Variants in RHOU observed in about 807,000 individuals in gnomAD.
RHOU encodes the protein ras homolog family member U.
A neutral mutation model predicts 12.6 loss-of-function variants in RHOU; 8 were observed. That is an observed-to-expected ratio of 0.64 (90% confidence interval 0.37 to 1.15). RHOU has a LOEUF of 1.15. Among genes scored for constraint, RHOU ranks in the 50% most tolerant of loss-of-function variants. The probability of loss-of-function intolerance (pLI) is 0.01; values close to 1 mark genes in which losing one functional copy is unlikely to be tolerated. For synonymous variants in RHOU, 161 were observed against 147.4 expected, an observed-to-expected ratio of 1.09 and a Z score of -0.67; for missense variants, 258 against 347.0, an observed-to-expected ratio of 0.74 and a Z score of 2.04.
chr1:228,650,509 G>C, the RHOU span: 1 of 456,708 alleles, frequency 2.2e-6, no homozygotes, highest in South Asian at 1.5e-5. Flanking sequence ...GCTGAACTAG[G>C]GGAGCTGCCA....
At chr1:228,682,894 G>C in the RHOU span, among the ~76,000 whole-genome samples, 1 of 152,282 alleles carries the variant, frequency 6.6e-6, no homozygotes, top group Admixed American at 6.5e-5. Flanking sequence ...ACACAGAGAG[G>C]TTGAGTCAGA....
rs1299052403 is a variant in RHOU at position 228,735,805 on chromosome 1, G to A, written c.63G>A (p.Pro21=). 4.1e-6 allele frequency: 5 copies of A among 1,219,306 alleles called. No individual in the cohort carries two copies. The highest frequency in any genetic ancestry group is 5.1e-6 in the Non-Finnish European group (5 of 981,088). The allele number at this position is 1,219,306 out of a possible 1,614,324, so 75.5% of individuals were successfully genotyped here. A position where few individuals can be genotyped will look rare whatever the true frequency, so the allele number is the denominator to read the frequency against. ...GCTGCGAGGCGCCTCCGGTGCCGCC[G>A]CGTCGGGAGCGCGGTGGACGCGGGG... ...PDRCEAPPVP[P]RRERGGRGGR... Residue 21 remains proline, a synonymous_variant, in exon 1 of 3, where the codon CCG becomes CCA. Transcript: ENST00000366691. This position sits in a 1 kb window ranked among gnomAD's most constrained non-coding sequence, Gnocchi z 8.1.
At chr1:228,741,623 A>G (rs537226474) in intron 2 of RHOU, among the ~76,000 whole-genome samples, 2 of 152,188 alleles carry the variant, frequency 1.3e-5, no homozygotes, top group South Asian at 4.1e-4. Context: ...TTCTGTGTTT[A>G]TTTATTCATC....
the RHOU span, among the ~76,000 whole-genome samples, chr1:228,711,418 G>T: frequency 6.6e-6 from 1 of 152,068 alleles, no homozygotes; most frequent in African/African-American, 2.4e-5. Flanking sequence ...ATACTACAAG[G>T]CTACAATAAC....
chr1:228,653,391 C>G, the RHOU span, among the ~76,000 whole-genome samples: 5 of 152,248 alleles, frequency 3.3e-5, no homozygotes, highest in South Asian at 1.0e-3. Context: ...GCCATCTCGG[C>G]TCACTGCAAC....
At chr1:228,652,436 G>A in the RHOU span, 1 of 152,360 alleles carries the variant, frequency 6.6e-6, no homozygotes, top group Non-Finnish European at 1.5e-5. Flanking sequence ...GATCAATGGA[G>A]GCCTTTTGGT....
At chr1:228,675,227 T>G in the RHOU span, among the ~76,000 whole-genome samples, 6 of 152,288 alleles carry the variant, frequency 3.9e-5, no homozygotes, top group African/African-American at 1.2e-4. Context: ...CTATCACAGA[T>G]CAAGTGTGCA....
At chr1:228,703,236 G>C in the RHOU span, among the ~76,000 whole-genome samples, 56 of 152,136 alleles carry the variant, frequency 3.7e-4, no homozygotes, top group Admixed American at 1.4e-3. Flanking sequence ...TCCTATAAAA[G>C]TGTTTTGGGG....
chr1:228,693,766 C>A, the RHOU span, among the ~76,000 whole-genome samples: 1 of 152,042 alleles, frequency 6.6e-6, no homozygotes, highest in African/African-American at 2.4e-5. Flanking sequence ...GCTCCCGGCA[C>A]CTCATGTTAA....
the RHOU span, among the ~76,000 whole-genome samples, chr1:228,681,416 T>C: frequency 6.6e-6 from 1 of 151,696 alleles, no homozygotes; most frequent in Non-Finnish European, 1.5e-5. Context: ...AGGGGTCAGA[T>C]GGGTCAGCAG....
the RHOU span, among the ~76,000 whole-genome samples, chr1:228,716,645 T>A: frequency 1.3e-5 from 2 of 152,170 alleles, no homozygotes; most frequent in African/African-American, 4.8e-5. Context: ...CACAACATAG[T>A]TGACATTCAG....
At chr1:228,647,090 A>T in the RHOU span, among the ~76,000 whole-genome samples, 3 of 152,190 alleles carry the variant, frequency 2.0e-5, no homozygotes, top group African/African-American at 7.2e-5. Flanking sequence ...GAAGCACCCT[A>T]CTTCGGTAGG....
chr1:228,711,627 TC>T, the RHOU span, among the ~76,000 whole-genome samples: 1 of 152,232 alleles, frequency 6.6e-6, no homozygotes, highest in East Asian at 1.9e-4. Context: ...TGAAACTGGA[TC>T]CTTTCCTTAC....
At chr1:228,648,361 G>A in the RHOU span, among the ~76,000 whole-genome samples, 1 of 152,142 alleles carries the variant, frequency 6.6e-6, no homozygotes, top group Non-Finnish European at 1.5e-5. Context: ...CCATTCCGCC[G>A]ACTCTCCAGG....
At chr1:228,740,460 G>GT (rs1662698592) in intron 2 of RHOU, among the ~76,000 whole-genome samples, 1 of 144,494 alleles carries the variant, frequency 6.9e-6, no homozygotes, top group African/African-American at 2.7e-5. Flanking sequence ...TAAGCTGCTG[G>GT]TAAGATAAGT....
the RHOU span, among the ~76,000 whole-genome samples, chr1:228,681,783 GA>G: frequency 6.6e-6 from 1 of 152,128 alleles, no homozygotes; most frequent in Non-Finnish European, 1.5e-5. Flanking sequence ...TAAGGGAGAA[GA>G]AGGAGAAATG....
the RHOU span, among the ~76,000 whole-genome samples, chr1:228,702,098 A>C: frequency 6.6e-6 from 1 of 152,188 alleles, no homozygotes; most frequent in Non-Finnish European, 1.5e-5. Context: ...AATTATATAA[A>C]CTTAAATTTA....
chr1:228,663,692 G>A, the RHOU span, among the ~76,000 whole-genome samples: 40 of 129,426 alleles, frequency 3.1e-4, no homozygotes, highest in African/African-American at 1.1e-3. Flanking sequence ...GGGTGCAGTG[G>A]CATGATCTCA....
chr1:228,730,130 C>T, the RHOU span, among the ~76,000 whole-genome samples: 2 of 152,106 alleles, frequency 1.3e-5, no homozygotes, highest in African/African-American at 2.4e-5. Context: ...AGGGCCCAGT[C>T]AGGAAATCAG....
Sources: allele counts gnomAD v4.1 joint callset (sites outside exome capture counted in the v4.1 genomes callset), GRCh38; gene constraint gnomAD v4.1.1; non-coding constraint Gnocchi (gnomAD v3.1); transcripts MANE v1.5; gene names NCBI Gene and HGNC (gene_info 2026-07-23, HGNC 2026-07-21).